NAALADL2: variants seen among roughly 807,000 people sequenced by gnomAD.
NAALADL2 encodes the protein N-acetylated alpha-linked acidic dipeptidase like 2.
A neutral mutation model predicts 87.2 loss-of-function variants in NAALADL2; 76 were observed. That is an observed-to-expected ratio of 0.87 (90% CI 0.72 to 1.05). The LOEUF is 1.05. Among genes scored for constraint, NAALADL2 ranks in the 50% least tolerant of loss-of-function variants. The pLI is 0.00. For synonymous variants in NAALADL2, 354 were observed against 331.0 expected, an observed-to-expected ratio of 1.07 and a Z score of -0.75; for missense variants, 1,089 against 945.8, an observed-to-expected ratio of 1.15 and a Z score of -1.99.
At chr3:174,715,456 G>T (rs1731091060) in intron 2 of NAALADL2, among the ~76,000 whole-genome samples, 1 of 152,116 alleles carries the variant, frequency 6.6e-6, no homozygotes, top group Non-Finnish European at 1.5e-5. Context: ...ACTGGTGGTA[G>T]ACTCACATAT....
chr3:175,452,859 T>G (rs1721786943), intron 6 of NAALADL2, among the ~76,000 whole-genome samples: 1 of 152,140 alleles, frequency 6.6e-6, no homozygotes, highest in African/African-American at 2.4e-5. Context: ...GGGAACCTAT[T>G]GTCCAAAGTC....
intron 11 of NAALADL2, among the ~76,000 whole-genome samples, chr3:175,656,875 T>C (rs1195510504): frequency 2.0e-5 from 3 of 152,152 alleles, no homozygotes. Context: ...GTCAGATAAC[T>C]AGAATTAATG....
intron 9 of NAALADL2, among the ~76,000 whole-genome samples, chr3:175,520,930 G>T (rs1732567785): frequency 6.6e-6 from 1 of 152,102 alleles, no homozygotes; most frequent in Admixed American, 6.6e-5. Context: ...GGTAAAATTA[G>T]AATCAAGGAT....
intron 3 of NAALADL2, among the ~76,000 whole-genome samples, chr3:174,851,362 TAAA>T (rs34003047): frequency 7.4e-5 from 8 of 107,828 alleles, no homozygotes; most frequent in East Asian, 2.6e-4. Context: ...TCAGCCAGAC[TAAA>T]AAAAAAAAAA....
At chr3:174,617,890 A>T (rs149146116) in intron 2 of NAALADL2, among the ~76,000 whole-genome samples, 3 of 151,748 alleles carry the variant, frequency 2.0e-5, no homozygotes, top group African/African-American at 7.2e-5. Context: ...TTTATGTTAT[A>T]TAGTCTCTAA....
In NAALADL2 at chr3:175,444,999, C is replaced by A. The variant is rs141163060; in HGVS notation, c.1091-2230C>A. On this transcript the variant is annotated intron_variant, in intron 5 of 13. Transcript: ENST00000454872. ...CTACCTCCTCCTGTAGCCTGGATAC[C>A]AGTATCATCAAGCTCTGCGCCCTCT... Among the ~76,000 whole-genome samples, 269 of 152,212 alleles carry A rather than the reference C, an allele frequency of 1.8e-3. 2 individuals carry two copies. The highest frequency in any genetic ancestry group is 5.6e-3 in the African/African-American group (233 of 41,532).
At chr3:175,014,617 A>T (rs1263712299) in intron 1 of NAALADL2, among the ~76,000 whole-genome samples, 2 of 152,174 alleles carry the variant, frequency 1.3e-5, no homozygotes, top group East Asian at 1.9e-4. Flanking sequence ...TGCTATAATT[A>T]AATGTGGGTA....
chr3:174,478,700 A>G (rs1448329339), intron 1 of NAALADL2, among the ~76,000 whole-genome samples: 4 of 151,942 alleles, frequency 2.6e-5, no homozygotes, highest in Non-Finnish European at 4.4e-5. Context: ...TGTTTTTTGT[A>G]TGTCCAGTTT....
In NAALADL2 at chr3:175,394,198, A is replaced by C. The variant is rs534942915; in HGVS notation, c.1091-53031A>C. On this transcript the variant is annotated intron_variant, in intron 5 of 13. Coordinates refer to ENST00000454872, the MANE Select transcript of NAALADL2 (RefSeq NM_207015.3). ...CTGTTAATATTTTTTACAAAAGCAAAAACAGACCAAATGAAATCAATGATG... is the reference window on the plus strand; with the variant it reads ...CTGTTAATATTTTTTACAAAAGCAACAACAGACCAAATGAAATCAATGATG... Among the ~76,000 whole-genome samples, 15 of 152,348 alleles carry C rather than the reference A, an allele frequency of 9.8e-5. No homozygotes were observed. In the South Asian group the frequency reaches 2.9e-3, roughly 29 times the overall value.
intron 1 of NAALADL2, among the ~76,000 whole-genome samples, chr3:175,045,263 G>A (rs772475871): frequency 4.6e-5 from 7 of 152,176 alleles, no homozygotes; most frequent in East Asian, 3.9e-4. Context: ...CACTCCACCC[G>A]AAGACATGAA....
At chr3:175,664,923 T>A (rs1732747848) in intron 11 of NAALADL2, among the ~76,000 whole-genome samples, 1 of 152,192 alleles carries the variant, frequency 6.6e-6, no homozygotes, top group East Asian at 1.9e-4. Context: ...TAATTTCTTA[T>A]GACACAGTGA....
intron 3 of NAALADL2, among the ~76,000 whole-genome samples, chr3:174,750,899 C>T (rs1734757260): frequency 6.6e-6 from 1 of 152,074 alleles, no homozygotes; most frequent in South Asian, 2.1e-4. Flanking sequence ...GCTCTCAAAA[C>T]CTTTTTTTTC....
At chr3:175,373,653 G>T (rs1766769081) in intron 5 of NAALADL2, among the ~76,000 whole-genome samples, 1 of 152,154 alleles carries the variant, frequency 6.6e-6, no homozygotes, top group African/African-American at 2.4e-5. Context: ...TGTAAACATA[G>T]ATTTTCTTTT....
At chr3:175,256,618 T>G in intron 4 of NAALADL2, 88 bp downstream of exon 4, 1 of 1,313,646 alleles carries the variant, frequency 7.6e-7, no homozygotes, top group Admixed American at 2.3e-5. Flanking sequence ...GTGGAGTGTG[T>G]GTGTGCATAT....
intron 11 of NAALADL2, among the ~76,000 whole-genome samples, chr3:175,735,336 G>T (rs1051276514): frequency 6.6e-6 from 1 of 152,138 alleles, no homozygotes; most frequent in East Asian, 1.9e-4. Flanking sequence ...ACATTTCCCT[G>T]TCTTTTTCTG....
At chr3:175,218,479 A>G (rs916733923) in intron 2 of NAALADL2, among the ~76,000 whole-genome samples, 1 of 148,566 alleles carries the variant, frequency 6.7e-6, no homozygotes, top group East Asian at 1.9e-4. Context: ...CTCTTTTTTT[A>G]TCCAAATATA....
At chr3:174,798,620 A>G (rs1014662264) in intron 3 of NAALADL2, among the ~76,000 whole-genome samples, 1 of 151,580 alleles carries the variant, frequency 6.6e-6, no homozygotes, top group Non-Finnish European at 1.5e-5. Flanking sequence ...GATTTTTTTT[A>G]GTTTTCAGTA....
At chr3:174,463,368 C>T (rs1716326019) in intron 1 of NAALADL2, among the ~76,000 whole-genome samples, 1 of 152,114 alleles carries the variant, frequency 6.6e-6, no homozygotes, top group Admixed American at 6.5e-5. Context: ...ATAACATCTA[C>T]ATGAGAAGGA....
chr3:174,914,425 G>A (rs1202680557), intron 1 of NAALADL2, among the ~76,000 whole-genome samples: 1 of 152,004 alleles, frequency 6.6e-6, no homozygotes, highest in Non-Finnish European at 1.5e-5. Context: ...TATCATATGG[G>A]GTACAGAGGG....
Sources: allele counts gnomAD v4.1 joint callset (sites outside exome capture counted in the v4.1 genomes callset), GRCh38; gene constraint gnomAD v4.1.1; transcripts MANE v1.5; gene names NCBI Gene and HGNC (gene_info 2026-07-23, HGNC 2026-07-21).